The following DACH2 variants were observed in gnomAD, a reference collection of about 807,000 sequenced individuals.
The protein encoded by DACH2 is dachshund homolog 2.
In DACH2, 17 loss-of-function variants were observed where a neutral mutation model predicts 35.8. The ratio of observed to expected loss-of-function variants is 0.48; its 90% CI spans 0.33 to 0.71. The LOEUF is 0.71. Among genes scored for constraint, DACH2 ranks in the 30% least tolerant of loss-of-function variants. The pLI, the probability that DACH2 is intolerant of heterozygous loss-of-function variation, is 0.02. For missense variants in DACH2, 469 were observed against 472.7 expected, an observed-to-expected ratio of 0.99 and a Z score of 0.07; for synonymous variants, 195 against 177.3, an observed-to-expected ratio of 1.10 and a Z score of -0.79.
rs187751794 is a variant in DACH2, at chrX:86,451,738, C to T, written c.528-62541C>T. The stretch of plus-strand genomic sequence containing the variant: ...TGTGTCATCTCTGATTTTTTTGAGC[C>T]GTGGTTTGTAGTTCTTTTTAAAGAG... On this transcript the variant is annotated intron_variant, in intron 2 of 11. Coordinates refer to ENST00000373125, the MANE Select transcript of DACH2 (RefSeq NM_053281.3). Among the ~76,000 whole-genome samples the T allele has an allele frequency of 8.2e-5, 9 of 110,305 alleles. No homozygotes were observed. The East Asian group carries it at 1.4e-3, about 17-fold the overall frequency.
intron 7 of DACH2, among the ~76,000 whole-genome samples, chrX:86,763,329 A>G (rs924810926): frequency 4.4e-5 from 5 of 112,680 alleles, no homozygotes; most frequent in Admixed American, 9.4e-5. Context: ...TTTGAATCCC[A>G]CAAATATAAT....
chrX:86,596,433 T>C (rs186899450), intron 3 of DACH2, among the ~76,000 whole-genome samples: 7 of 111,626 alleles, frequency 6.3e-5, no homozygotes, highest in Non-Finnish European at 1.1e-4. Flanking sequence ...GCATATTTCA[T>C]TGTGGTTTTG....
chrX:86,719,068 G>C (rs954127131), intron 6 of DACH2, among the ~76,000 whole-genome samples: 2 of 112,001 alleles, frequency 1.8e-5, no homozygotes, highest in Non-Finnish European at 3.8e-5. Flanking sequence ...GCACAGTATG[G>C]TCATTTTAAT....
At chrX:86,543,051 C>A (rs747831728) in intron 3 of DACH2, among the ~76,000 whole-genome samples, 4 of 111,905 alleles carry the variant, frequency 3.6e-5, no homozygotes, top group Non-Finnish European at 7.5e-5. Flanking sequence ...CTAAATGAAG[C>A]CAGTAGAAAC....
At chrX:86,685,687 T>C (rs957494253) in intron 4 of DACH2, among the ~76,000 whole-genome samples, 4 of 111,259 alleles carry the variant, frequency 3.6e-5, no homozygotes, top group Non-Finnish European at 7.5e-5. Flanking sequence ...AGGGAGCTTT[T>C]ATTCATGGTG....
At chrX:86,330,306 G>T (rs769840817) in intron 1 of DACH2, among the ~76,000 whole-genome samples, 20 of 112,012 alleles carry the variant, frequency 1.8e-4, no homozygotes, top group Admixed American at 6.6e-4. Flanking sequence ...GAATCATAAG[G>T]CAAGGAGGTT....
chrX:86,423,308 C>T (rs1420250519), intron 2 of DACH2, among the ~76,000 whole-genome samples: 1 of 111,063 alleles, frequency 9.0e-6, no homozygotes, highest in African/African-American at 3.3e-5. Flanking sequence ...CTTTCCTTTA[C>T]TCCACATCCT....
intron 3 of DACH2, among the ~76,000 whole-genome samples, chrX:86,539,671 G>A (rs2038854022): frequency 9.0e-6 from 1 of 111,636 alleles, no homozygotes; most frequent in Non-Finnish European, 1.9e-5. Context: ...CAAAATGAAT[G>A]CTATACAACA....
At chrX:86,154,941 C>A (rs1251095382) in intron 1 of DACH2, among the ~76,000 whole-genome samples, 2 of 111,383 alleles carry the variant, frequency 1.8e-5, no homozygotes, top group African/African-American at 6.5e-5. Context: ...TAAGATTTTT[C>A]ATGGGAAAGA....
At chrX:86,471,324 T>C (rs918356201) in intron 2 of DACH2, among the ~76,000 whole-genome samples, 5 of 111,644 alleles carry the variant, frequency 4.5e-5, no homozygotes, top group African/African-American at 1.6e-4. Flanking sequence ...AATGTTTAGA[T>C]TACTGAGTAA....
chrX:86,424,343 A>T (rs2036856862), intron 2 of DACH2, among the ~76,000 whole-genome samples: 1 of 110,528 alleles, frequency 9.0e-6, no homozygotes, highest in African/African-American at 3.3e-5. Context: ...CTATTTTTTG[A>T]TGTCCTTCTC....
chrX:86,356,339 T>G (rs1055102621), intron 1 of DACH2, among the ~76,000 whole-genome samples: 40 of 111,565 alleles, frequency 3.6e-4, no homozygotes, highest in African/African-American at 1.2e-3. Context: ...ATCAGATGGT[T>G]GTAGATGTGT....
At chrX:86,428,841 C>T (rs1304786387) in intron 2 of DACH2, among the ~76,000 whole-genome samples, 1 of 109,855 alleles carries the variant, frequency 9.1e-6, no homozygotes, top group Non-Finnish European at 1.9e-5. Context: ...TATGGGAGCT[C>T]ATCCTTAAGC....
At chrX:86,380,303 A>G (rs2036027583) in intron 2 of DACH2, among the ~76,000 whole-genome samples, 1 of 110,493 alleles carries the variant, frequency 9.1e-6, no homozygotes. Context: ...TATAAATACC[A>G]GGGACAGCAT....
chrX:86,707,830 G>T (rs1473858885), intron 5 of DACH2, among the ~76,000 whole-genome samples: 1 of 102,194 alleles, frequency 9.8e-6, no homozygotes, highest in Non-Finnish European at 2.0e-5. Flanking sequence ...CAGGAGAATC[G>T]CTTGAACCAG....
intron 1 of DACH2, among the ~76,000 whole-genome samples, chrX:86,326,403 GTTGTAGTGAGCCAAGACTGTGC>G (rs1216302312): frequency 9.2e-6 from 1 of 108,803 alleles, no homozygotes; most frequent in Non-Finnish European, 1.9e-5. Flanking sequence ...GGAGGCGGAG[GTTGTAGTGAGCCAAGACTGTGC>G]CACTGCACTC....
chrX:86,512,219 G>A (rs2038406181), intron 2 of DACH2, among the ~76,000 whole-genome samples: 1 of 110,500 alleles, frequency 9.0e-6, no homozygotes, highest in African/African-American at 3.3e-5. Context: ...TGAAAGTTAG[G>A]ATGGATAATA....
intron 7 of DACH2, among the ~76,000 whole-genome samples, chrX:86,784,761 A>G (rs750324841): frequency 8.9e-6 from 1 of 112,322 alleles, no homozygotes; most frequent in African/African-American, 3.2e-5. Context: ...GATAAAGAAT[A>G]TGCAGTAAAT....
At chrX:86,197,631 C>T (rs2147898378) in intron 1 of DACH2, among the ~76,000 whole-genome samples, 1 of 110,637 alleles carries the variant, frequency 9.0e-6, no homozygotes, top group East Asian at 2.8e-4. Context: ...TCAGACAAAA[C>T]AGACTTTAAA....
Sources: gnomAD v4.1 joint callset for allele counts (sites outside exome capture counted in the v4.1 genomes callset) on GRCh38, gnomAD v4.1.1 for gene constraint, MANE v1.5 for transcripts, NCBI Gene and HGNC (gene_info 2026-07-23, HGNC 2026-07-21) for gene names.